Variants in SERGEF observed in about 807,000 individuals in gnomAD.
SERGEF encodes secretion regulating guanine nucleotide exchange factor, also known as secretion-regulating guanine nucleotide exchange factor.
In SERGEF, 51 loss-of-function variants were observed where a neutral mutation model predicts 50.0. The observed-to-expected ratio is 1.02, with a 90% CI of 0.81 to 1.29. The LOEUF is 1.29. Ranked by LOEUF, SERGEF falls within the 50% of genes most tolerant of loss-of-function variation. SERGEF has a pLI of 0.00. For synonymous variants in SERGEF, 205 were observed against 212.4 expected, an observed-to-expected ratio of 0.97 and a Z score of 0.30; for missense variants, 521 against 557.0, an observed-to-expected ratio of 0.94 and a Z score of 0.65.
At chr11:17,873,312 T>C (rs72873835) in intron 10 of SERGEF, among the ~76,000 whole-genome samples, 3,830 of 152,194 alleles carry the variant, frequency 0.025, 73 homozygotes, top group Non-Finnish European at 0.036. Context: ...GCTCATCAAT[T>C]TGCTGTGAGG....
At chr11:17,920,806 C>A (rs982002847) in intron 9 of SERGEF, among the ~76,000 whole-genome samples, 8 of 152,214 alleles carry the variant, frequency 5.3e-5, no homozygotes, top group Non-Finnish European at 8.8e-5. Context: ...GACTGAGAAA[C>A]AAGCAATCTG....
intron 8 of SERGEF, among the ~76,000 whole-genome samples, chr11:17,965,514 C>T (rs1853100678): frequency 1.3e-5 from 2 of 152,182 alleles, no homozygotes; most frequent in Admixed American, 1.3e-4. Flanking sequence ...CACTACTCAA[C>T]TCAGATCAGG....
chr11:17,797,932 C>A (rs1849599078), intron 10 of SERGEF, among the ~76,000 whole-genome samples: 1 of 152,144 alleles, frequency 6.6e-6, no homozygotes, highest in Non-Finnish European at 1.5e-5. Context: ...AGGACAGTCC[C>A]ACAGTGGGCA....
intron 9 of SERGEF, among the ~76,000 whole-genome samples, chr11:17,954,647 A>G (rs1293431848): frequency 1.3e-5 from 2 of 152,188 alleles, no homozygotes; most frequent in Non-Finnish European, 2.9e-5. Flanking sequence ...CTCTGGTTTA[A>G]CTTTTATTTC....
At chr11:17,835,456 G>A (rs115381599) in intron 10 of SERGEF, among the ~76,000 whole-genome samples, 253 of 152,224 alleles carry the variant, frequency 1.7e-3, no homozygotes, top group African/African-American at 5.8e-3. Context: ...TTCCTCCTCC[G>A]ACACTCCTAC....
intron 9 of SERGEF, among the ~76,000 whole-genome samples, chr11:17,926,363 G>C (rs394218): frequency 0.87 from 132,500 of 152,028 alleles, 58,029 homozygotes; most frequent in African/African-American, 0.95. Context: ...AACCACAGAA[G>C]AAGACAGTTC....
chr11:17,809,863 G>C (rs1474382296), intron 10 of SERGEF, among the ~76,000 whole-genome samples: 1 of 152,102 alleles, frequency 6.6e-6, no homozygotes, highest in Non-Finnish European at 1.5e-5. Context: ...CAACCCCAAG[G>C]ATATGGCCAA....
intron 9 of SERGEF, among the ~76,000 whole-genome samples, chr11:17,952,562 A>G (rs1418357487): frequency 3.3e-5 from 5 of 151,780 alleles, no homozygotes; most frequent in Admixed American, 2.6e-4. Context: ...TCCTCTCTCT[A>G]AATCTCTCTT....
chr11:17,883,706 G>A (rs1315321576), intron 9 of SERGEF, among the ~76,000 whole-genome samples: 1 of 152,096 alleles, frequency 6.6e-6, no homozygotes, highest in African/African-American at 2.4e-5. Flanking sequence ...CTTACATCTG[G>A]CAAGCCCAGT....
intron 9 of SERGEF, among the ~76,000 whole-genome samples, chr11:17,944,071 G>A (rs1590211014): frequency 6.6e-6 from 1 of 152,140 alleles, no homozygotes; most frequent in East Asian, 1.9e-4. Flanking sequence ...GAGACTACAG[G>A]CACGTGCCAC....
chr11:17,896,581 GGAAGGGGAA>G (rs1565197821), intron 9 of SERGEF, among the ~76,000 whole-genome samples: 1 of 34,918 alleles, frequency 2.9e-5, no homozygotes, highest in Non-Finnish European at 5.9e-5. Context: ...GGAAGGGAAG[GGAAGGGGAA>G]GGGAAGGGAA....
intron 8 of SERGEF, among the ~76,000 whole-genome samples, chr11:17,985,580 A>G (rs1349560165): frequency 2.0e-5 from 3 of 152,214 alleles, no homozygotes; most frequent in African/African-American, 7.2e-5. Flanking sequence ...AAAGGTTTCT[A>G]GAATGCAGCA....
chr11:17,968,932 C>T (rs1853188610), intron 8 of SERGEF, among the ~76,000 whole-genome samples: 1 of 152,140 alleles, frequency 6.6e-6, no homozygotes, highest in Admixed American at 6.5e-5. Context: ...TCCTCTACAG[C>T]ACATCACCTT....
intron 4 of SERGEF, chr11:18,000,901 C>A (rs1853946879): frequency 1.1e-5 from 5 of 466,702 alleles, no homozygotes; most frequent in South Asian, 6.6e-5. Context: ...CTCAGCTGTG[C>A]CATTGTAACA....
At chr11:18,012,905 C>A in intron 1 of SERGEF, 46 bp downstream of exon 1, 1 of 1,536,092 alleles carries the variant, frequency 6.5e-7, no homozygotes, top group South Asian at 1.2e-5. Context: ...TCCCACATCT[C>A]GGCGCCCCTC....
Position 17,956,002 on chromosome 11 carries a change from T to A in SERGEF, c.1011+3468A>T, listed in dbSNP as rs183973032. Among the ~76,000 whole-genome samples, 8 of 152,278 alleles carry A rather than the reference T, an allele frequency of 5.3e-5. No homozygotes were observed. In the East Asian group the frequency reaches 1.4e-3, roughly 26 times the overall value. On this transcript the variant is annotated intron_variant, in intron 9 of 10. Transcript: ENST00000265965. ...TGTTCACATACATCCTGCCCTGACA[T>A]GCGCTTGGTGGGATTAATCCAGATC...
chr11:17,929,900 G>C (rs1447953599), intron 9 of SERGEF, among the ~76,000 whole-genome samples: 1 of 152,174 alleles, frequency 6.6e-6, no homozygotes, highest in Non-Finnish European at 1.5e-5. Context: ...TATAGTCTCA[G>C]ATAGATGGTA....
rs1851480315 is a variant in SERGEF at position 17,888,730 on chromosome 11, G to A, written c.1012-10486C>T. Among the ~76,000 whole-genome samples, 1 of 151,632 alleles carries A rather than the reference G, an allele frequency of 6.6e-6. No homozygotes were observed. The highest frequency in any genetic ancestry group is 1.5e-5 in the Non-Finnish European group (1 of 67,980). ...GCCCAGCAGCACTGACACCCCAGCAGCAATGAGTTTACTTGGTGCACAGAC... is the reference window on the plus strand; with the variant it reads ...GCCCAGCAGCACTGACACCCCAGCAACAATGAGTTTACTTGGTGCACAGAC... On this transcript the variant is annotated intron_variant, in intron 9 of 10. Coordinates refer to ENST00000265965, the MANE Select transcript of SERGEF (RefSeq NM_012139.4). This position sits in a 1 kb window ranked among gnomAD's most constrained non-coding sequence, Gnocchi z 4.1.
intron 10 of SERGEF, among the ~76,000 whole-genome samples, chr11:17,819,876 T>C (rs2133843200): frequency 6.6e-6 from 1 of 152,320 alleles, no homozygotes; most frequent in African/African-American, 2.4e-5. Flanking sequence ...TCTCACTCTA[T>C]TGCCCAGGCT....
Sources: allele counts gnomAD v4.1 joint callset (sites outside exome capture counted in the v4.1 genomes callset), GRCh38; gene constraint gnomAD v4.1.1; non-coding constraint Gnocchi (gnomAD v3.1); transcripts MANE v1.5; gene names NCBI Gene and HGNC (gene_info 2026-07-23, HGNC 2026-07-21).